The following LIMS1 variants were observed in gnomAD, a reference collection of about 807,000 sequenced individuals.
The protein encoded by LIMS1 is LIM and senescent cell antigen-like-containing domain protein 1.
LIMS1 carries 18 observed loss-of-function variants against 44.1 expected under a neutral mutation model. The ratio of observed to expected loss-of-function variants is 0.41; its 90% CI spans 0.28 to 0.61. The LOEUF (loss-of-function observed/expected upper bound fraction) is 0.61, where lower values mean the gene tolerates loss of function less well. Among genes scored for constraint, LIMS1 ranks in the 20% least tolerant of loss-of-function variants. The pLI is 0.32. For missense variants in LIMS1, 201 were observed against 422.0 expected (o/e 0.48, Z 4.59); for synonymous variants, 93 against 149.1 (o/e 0.62, Z 2.74).
chr2:108,641,576 A>ACGGTAGCT (rs1333430549), intron 1 of LIMS1, among the ~76,000 whole-genome samples: 1 of 152,238 alleles, frequency 6.6e-6, no homozygotes, highest in Non-Finnish European at 1.5e-5. Context: ...TAACAAAGCC[A>ACGGTAGCT]CGGTAGCTCT....
At chr2:108,632,423 G>A (rs781602032) in intron 1 of LIMS1, among the ~76,000 whole-genome samples, 41 of 152,290 alleles carry the variant, frequency 2.7e-4, no homozygotes, top group Middle Eastern at 3.4e-3. Context: ...TAAAAGTTAA[G>A]TGCTGATGCT....
chr2:108,600,955 A>G (rs1280463577), intron 1 of LIMS1, among the ~76,000 whole-genome samples: 2 of 139,728 alleles, frequency 1.4e-5, no homozygotes, highest in East Asian at 3.9e-4. Flanking sequence ...CTTTTCTTTC[A>G]CAGAGTCTTA....
intron 1 of LIMS1, among the ~76,000 whole-genome samples, chr2:108,651,038 A>G (rs1690446927): frequency 6.6e-6 from 1 of 152,166 alleles, no homozygotes. Flanking sequence ...TTCTAGAAGA[A>G]GTAGACTTTA....
chr2:108,557,174 C>G (rs1684953662), intron 1 of LIMS1, among the ~76,000 whole-genome samples: 1 of 152,056 alleles, frequency 6.6e-6, no homozygotes, highest in East Asian at 1.9e-4. Context: ...ACCTCCTGAG[C>G]TTAAGCGATC....
chr2:108,605,579 A>G lies in LIMS1; in HGVS notation c.33-54026A>G, dbSNP rs537618563. Among the ~76,000 whole-genome samples the G allele has an allele frequency of 6.9e-4, 105 of 152,248 alleles. 1 individual carries two copies. Among genetic ancestry groups the G allele is most frequent in the African/African-American group, 2.4e-3 (98 of 41,556 alleles). Reference sequence around the variant, plus strand: ...ATTTTCCTCTTTATTCATTCCAAAAATGTCTGCCCAGTACCTACTACATGC... The same window carrying G: ...ATTTTCCTCTTTATTCATTCCAAAAGTGTCTGCCCAGTACCTACTACATGC... On this transcript the variant is annotated intron_variant, in intron 1 of 9. Transcript: ENST00000544547.
intron 1 of LIMS1, among the ~76,000 whole-genome samples, chr2:108,564,644 A>G (rs771799662): frequency 6.6e-6 from 1 of 152,128 alleles, no homozygotes; most frequent in Non-Finnish European, 1.5e-5. Context: ...TGCTTTTACC[A>G]TTATGCTGTG....
chr2:108,641,308 A>G (rs1445694406), intron 1 of LIMS1, among the ~76,000 whole-genome samples: 2 of 152,246 alleles, frequency 1.3e-5, no homozygotes, highest in African/African-American at 4.8e-5. Context: ...CTAGAAACCT[A>G]TCTGCAACAC....
At chr2:108,607,168 CA>C (rs1687314472) in intron 1 of LIMS1, 8 of 1,543,960 alleles carry the variant, frequency 5.2e-6, no homozygotes, top group African/African-American at 1.4e-5. Flanking sequence ...TGTGAGGACA[CA>C]GTGAGAGGGT....
At chr2:108,612,371 G>C (rs1333911044) in intron 1 of LIMS1, among the ~76,000 whole-genome samples, 1 of 152,026 alleles carries the variant, frequency 6.6e-6, no homozygotes, top group African/African-American at 2.4e-5. Flanking sequence ...ACGCTCTCCT[G>C]AAGTTTGCTG....
At chr2:108,643,943 G>A (rs1485883168) in intron 1 of LIMS1, among the ~76,000 whole-genome samples, 1 of 152,198 alleles carries the variant, frequency 6.6e-6, no homozygotes, top group African/African-American at 2.4e-5. Flanking sequence ...CAGCAAGGTT[G>A]CTACCCTCAG....
intron 1 of LIMS1, among the ~76,000 whole-genome samples, chr2:108,636,294 C>G (rs1689246972): frequency 6.6e-6 from 1 of 152,226 alleles, no homozygotes; most frequent in East Asian, 1.9e-4. Context: ...CAAGGTACCC[C>G]CTACATAGCT....
chr2:108,534,009 T>G (rs1474018011), upstream of LIMS1: 1 of 153,298 alleles, frequency 6.5e-6, no homozygotes, highest in South Asian at 2.1e-4. Context: ...CGAAGGCCGC[T>G]GCCAGGGCCG....
intron 2 of LIMS1, chr2:108,662,912 G>C (rs1691476892): frequency 4.4e-6 from 1 of 225,994 alleles, no homozygotes; most frequent in Non-Finnish European, 7.4e-6. Flanking sequence ...CTTAGAAATG[G>C]GGTCTGTGCA....
intron 1 of LIMS1, among the ~76,000 whole-genome samples, chr2:108,650,978 T>G (rs1039550987): frequency 6.6e-6 from 1 of 152,134 alleles, no homozygotes; most frequent in Non-Finnish European, 1.5e-5. Flanking sequence ...AAGTTCCATA[T>G]GTCCAGGAAT....
At chr2:108,634,396 A>G (rs1689097628) in intron 1 of LIMS1, among the ~76,000 whole-genome samples, 2 of 152,248 alleles carry the variant, frequency 1.3e-5, no homozygotes, top group South Asian at 4.1e-4. Context: ...ATCTCCTAAA[A>G]GCTCATTTTG....
intron 1 of LIMS1, among the ~76,000 whole-genome samples, chr2:108,566,627 G>A (rs760909401): frequency 2.0e-5 from 3 of 151,378 alleles, no homozygotes; most frequent in Admixed American, 6.6e-5. Flanking sequence ...ATGGAGTTTC[G>A]CTCTTGTCAC....
chr2:108,665,478 C>T (rs1383103845), intron 2 of LIMS1, among the ~76,000 whole-genome samples: 2 of 152,042 alleles, frequency 1.3e-5, no homozygotes, highest in Non-Finnish European at 2.9e-5. Context: ...AATTTAGAGA[C>T]GTAGGCAGTA....
At chr2:108,601,023 T>G (rs1290568587) in intron 1 of LIMS1, among the ~76,000 whole-genome samples, 1 of 152,076 alleles carries the variant, frequency 6.6e-6, no homozygotes, top group African/African-American at 2.4e-5. Flanking sequence ...AACTTCTGCC[T>G]CCTGGGTTCA....
intron 1 of LIMS1, among the ~76,000 whole-genome samples, chr2:108,650,028 C>T (rs911298157): frequency 1.3e-5 from 2 of 152,164 alleles, no homozygotes; most frequent in Non-Finnish European, 2.9e-5. Flanking sequence ...TTGAGGACCT[C>T]GCACAATCCT....
Sources: gnomAD v4.1 joint callset for allele counts (sites outside exome capture counted in the v4.1 genomes callset) on GRCh38, gnomAD v4.1.1 for gene constraint, MANE v1.5 for transcripts, NCBI Gene and HGNC (gene_info 2026-07-23, HGNC 2026-07-21) for gene names.